Variants in ALOXE3 observed in about 807,000 individuals in gnomAD.
ALOXE3 encodes hydroperoxide isomerase ALOXE3.
In ALOXE3, 78 loss-of-function variants were observed where a neutral mutation model predicts 87.5. That is an observed-to-expected ratio of 0.89 (90% confidence interval 0.74 to 1.08). The LOEUF (loss-of-function observed/expected upper bound fraction) is 1.08. Among genes scored for constraint, ALOXE3 ranks in the 50% least tolerant of loss-of-function variants. ALOXE3 has a pLI of 0.00. For missense variants in ALOXE3, 946 were observed against 912.4 expected, an observed-to-expected ratio of 1.04 and a Z score of -0.47; for synonymous variants, 363 against 370.8, an observed-to-expected ratio of 0.98 and a Z score of 0.24.
At chr17:8,108,348 G>T in intron 13 of ALOXE3, 120 bp downstream of exon 13, 1 of 1,429,758 alleles carries the variant, frequency 7.0e-7, no homozygotes, top group Non-Finnish European at 9.4e-7. Context: ...TCTGCTAGTT[G>T]GGGATATTAA....
At chr17:8,109,412 G>A (rs968653406) in intron 11 of ALOXE3, 69 bp from the exon 12 acceptor site, 3 of 1,586,524 alleles carry the variant, frequency 1.9e-6, no homozygotes, top group African/African-American at 2.7e-5. Context: ...GCACGAGATG[G>A]GGCTGGGGAC....
At chr17:8,101,389 A>G (rs1228126920) in intron 15 of ALOXE3, among the ~76,000 whole-genome samples, 1 of 152,168 alleles carries the variant, frequency 6.6e-6, no homozygotes, top group Non-Finnish European at 1.5e-5. Flanking sequence ...TACACAAAGG[A>G]TCTGATTTAA....
At chr17:8,115,106 A>G (rs1458333040) in intron 4 of ALOXE3, 49 bp from the exon 5 acceptor site, 1 of 1,611,800 alleles carries the variant, frequency 6.2e-7, no homozygotes, top group Non-Finnish European at 8.5e-7. Flanking sequence ...CGGGATAAAC[A>G]CAAGTCTTAG....
chr17:8,115,097 G>C, intron 4 of ALOXE3, 40 bp from the exon 5 acceptor site: 3 of 1,613,252 alleles, frequency 1.9e-6, no homozygotes, highest in South Asian at 1.1e-5. Flanking sequence ...GGTCATGCTC[G>C]GGATAAACAC....
chr17:8,112,912 A>G (rs1980226659), intron 6 of ALOXE3, among the ~76,000 whole-genome samples: 1 of 152,110 alleles, frequency 6.6e-6, no homozygotes, highest in Admixed American at 6.6e-5. Context: ...CTCCTGCCTC[A>G]ACCTCCCAAG....
At chr17:8,107,855 A>G (rs1286237551) in intron 13 of ALOXE3, among the ~76,000 whole-genome samples, 28 of 2,656 alleles carry the variant, frequency 0.011, no homozygotes, top group African/African-American at 0.017. Context: ...GAAAGAAAGA[A>G]AGAAAGAAAG....
chr17:8,110,215 C>G lies in ALOXE3; in HGVS notation c.1182G>C (p.Trp394Cys), dbSNP rs1262958028. ...GCACCAGGAACTCAGAGTTGCGCACCCACGTCTTGGCCAGCAGCCAGTCCC... is the reference window on the plus strand; with the variant it reads ...GCACCAGGAACTCAGAGTTGCGCACGCACGTCTTGGCCAGCAGCCAGTCCC... The part of the protein sequence containing the change: ...SEWDWLLAKT[W>C]VRNSEFLVHE... The change falls in exon 10 of 16, where the codon TGG (tryptophan) becomes TGC (cysteine). Residue 394 changes from tryptophan (W) to cysteine (C), a missense_variant. Coordinates refer to ENST00000448843, the MANE Select transcript of ALOXE3 (RefSeq NM_021628.3). The G allele has an allele frequency of 1.9e-6, 3 of 1,614,004 alleles. No homozygotes were observed. Among genetic ancestry groups the G allele is most frequent in the African/African-American group, 2.7e-5 (2 of 74,934 alleles).
At chr17:8,104,022 C>T (rs965676748) in intron 14 of ALOXE3, 93 bp downstream of exon 14, 1 of 1,103,272 alleles carries the variant, frequency 9.1e-7, no homozygotes, top group East Asian at 2.6e-5. Flanking sequence ...AAACCCACCC[C>T]AACGCTGACC....
intron 14 of ALOXE3, 83 bp downstream of exon 14, chr17:8,104,032 C>G: frequency 8.1e-7 from 1 of 1,241,972 alleles, no homozygotes; most frequent in Non-Finnish European, 1.2e-6. Flanking sequence ...CAACGCTGAC[C>G]CACCCAAGCT....
intron 5 of ALOXE3, 145 bp from the exon 6 acceptor site, chr17:8,114,754 A>G: frequency 2.0e-6 from 3 of 1,471,770 alleles, no homozygotes; most frequent in Non-Finnish European, 2.8e-6. Flanking sequence ...CTCCTGAGCT[A>G]AAATAACCTC....
At chr17:8,114,846 C>T (rs1454503490) in intron 5 of ALOXE3, 92 bp downstream of exon 5, 2 of 1,576,568 alleles carry the variant, frequency 1.3e-6, no homozygotes, top group East Asian at 4.5e-5. Flanking sequence ...TCATAGACCC[C>T]TACCCCTCCT....
intron 1 of ALOXE3, 78 bp from the exon 2 acceptor site, chr17:8,118,381 G>C: frequency 6.4e-7 from 1 of 1,551,346 alleles, no homozygotes; most frequent in Non-Finnish European, 8.7e-7. Flanking sequence ...CCCTCCGCCT[G>C]GTCAGCGGCC....
intron 4 of ALOXE3, 117 bp downstream of exon 4, chr17:8,115,490 A>G: frequency 9.6e-7 from 1 of 1,046,346 alleles, no homozygotes. Flanking sequence ...TCCAAATAAG[A>G]GTCCTGATCC....
intron 2 of ALOXE3, among the ~76,000 whole-genome samples, 165 bp from the exon 3 acceptor site, chr17:8,117,145 C>T (rs1041050690): frequency 2.0e-5 from 3 of 152,268 alleles, no homozygotes; most frequent in Non-Finnish European, 4.4e-5. Flanking sequence ...TTCCCCGGGC[C>T]GGGAGAGGTG....
intron 15 of ALOXE3, among the ~76,000 whole-genome samples, chr17:8,100,091 T>G (rs1454245870): frequency 2.2e-5 from 3 of 133,926 alleles, no homozygotes; most frequent in African/African-American, 8.7e-5. Context: ...AACCTGACCC[T>G]GTCAAAAGAG....
Position 8,111,440 on chromosome 17 carries a change from G to A in ALOXE3, c.876C>T (p.Ser292=). The part of the protein sequence containing the change: ...VNPVMLHCIS[S]LPSKLPVTND... ...TGGTGACAGGCAGCTTGCTGGGCAA[G>A]CTAGAGATGCAGTGGAGCATGACGG... Residue 292 remains serine, a synonymous_variant, in exon 8 of 16, where the codon AGC becomes AGT. Transcript: ENST00000448843. 6.2e-7 allele frequency: 1 copy of A among 1,614,190 alleles called. No homozygotes were observed. The highest frequency in any genetic ancestry group is 8.5e-7 in the Non-Finnish European group (1 of 1,180,048).
At position 8,111,768 on chromosome 17, in the gene ALOXE3, C is replaced by T. The variant is rs556533875; in HGVS notation, c.785-237G>A. On this transcript the variant is annotated intron_variant, in intron 7 of 15. Transcript: ENST00000448843. ...CCTAAGCCTTTCTGGACCCAAAGCC[C>T]GGAGCACTTGGTGGTTGGAGTAGGG... Among the ~76,000 whole-genome samples the T allele has an allele frequency of 3.9e-5, 6 of 152,268 alleles. No homozygotes were observed. The East Asian group carries it at 5.8e-4, about 15-fold the overall frequency.
At position 8,116,923 on chromosome 17, in the gene ALOXE3, C is replaced by T; in HGVS notation, c.205G>A (p.Val69Ile). The stretch of plus-strand genomic sequence containing the variant: ...AAGAAAGCGTAGCGCTCCTTGTGTA[C>T]ACGCAGCAGCAAGAGCTCACCCAGC... ...AELGELLLLRVHKERYAFFRK... is the reference protein window; with the variant it reads ...AELGELLLLRIHKERYAFFRK... The change falls in exon 3 of 16, where the codon GTA (valine) becomes ATA (isoleucine). Residue 69 changes from valine (V) to isoleucine (I), a missense_variant. Val to Ile is a conservative substitution (Grantham distance 29, BLOSUM62 3). Transcript: ENST00000448843. 6.2e-7 allele frequency: 1 copy of T among 1,614,262 alleles called. No homozygotes were observed. Among genetic ancestry groups the T allele is most frequent in the Non-Finnish European group, 8.5e-7 (1 of 1,180,050 alleles).
Position 8,112,176 on chromosome 17 carries a change from C to G in ALOXE3, c.701G>C (p.Arg234Pro). ...AIPASLGMKL[R>P]GLLDRKGSWK... ...GGAGCCCTTGCGATCCAACAGCCCT[C>G]GAAGCTTCATTCCCAAGGACCTGAT... is the stretch of plus-strand genomic sequence containing the variant. The change falls in exon 7 of 16, where the codon CGA becomes CCA. Residue 234 changes from arginine to proline, a missense_variant. By Grantham distance (103) the Arg-to-Pro change is moderately radical. Coordinates refer to ENST00000448843, the MANE Select transcript of ALOXE3 (RefSeq NM_021628.3). The G allele has an allele frequency of 6.2e-7, 1 of 1,614,110 alleles. No individual in the cohort carries two copies. The highest frequency in any genetic ancestry group is 1.1e-5 in the South Asian group (1 of 91,084).
Sources: allele counts gnomAD v4.1 joint callset (sites outside exome capture counted in the v4.1 genomes callset), GRCh38; gene constraint gnomAD v4.1.1; transcripts MANE v1.5; gene names NCBI Gene and HGNC (gene_info 2026-07-23, HGNC 2026-07-21).